Variants in GLI3 observed in about 807,000 individuals in gnomAD.
The protein encoded by GLI3 is GLI family zinc finger 3, also known as transcription activator GLI3.
A neutral mutation model predicts 100.8 loss-of-function variants in GLI3; 20 were observed. The observed-to-expected ratio is 0.20, with a 90% CI of 0.14 to 0.29. The LOEUF (loss-of-function observed/expected upper bound fraction) is 0.29, where lower values mean the gene tolerates loss of function less well. GLI3 is among the 10% of genes least tolerant of loss of function. The pLI, the probability that GLI3 is intolerant of heterozygous loss-of-function variation, is 1.00. For missense variants in GLI3, 2,040 were observed against 2,128.5 expected (o/e 0.96, Z 0.82); for synonymous variants, 938 against 860.5 (o/e 1.09, Z -1.58).
intron 1 of GLI3, among the ~76,000 whole-genome samples, chr7:42,232,932 G>A (rs994007202): frequency 6.6e-6 from 1 of 152,088 alleles, no homozygotes; most frequent in African/African-American, 2.4e-5. Flanking sequence ...ACTCACAGAG[G>A]TAATGAGTAG....
In GLI3 at chr7:42,040,166, G is replaced by A. The variant is rs35961850; in HGVS notation, c.900C>T (p.Ser300=). 0.086 allele frequency: 139,434 copies of A among 1,613,370 alleles called. 6,934 individuals are homozygous for A. The highest frequency in any genetic ancestry group is 0.099 in the Non-Finnish European group (117,344 of 1,179,350). ...RKRTLSISPL[S]DHSFDLQTMI... ...TGGTCTGAAGGTCAAAGCTATGATC[G>A]GAGAGTGGTGATATGGACAGTGTAC... The change falls in exon 7 of 15, where the codon TCC becomes TCT. Residue 300 remains serine (S), a synonymous_variant. Coordinates refer to ENST00000395925, the MANE Select transcript of GLI3 (RefSeq NM_000168.6).
chr7:42,215,718 G>A (rs1258282696), intron 2 of GLI3, among the ~76,000 whole-genome samples: 1 of 152,146 alleles, frequency 6.6e-6, no homozygotes, highest in East Asian at 1.9e-4. Flanking sequence ...TTTATCCCAG[G>A]AATTGTTCTT....
chr7:42,195,480 TCA>T (rs1447498300), intron 2 of GLI3, among the ~76,000 whole-genome samples: 8 of 152,166 alleles, frequency 5.3e-5, no homozygotes, highest in Non-Finnish European at 1.2e-4. Flanking sequence ...ACCTGCCTCC[TCA>T]CATCTGTTTT....
chr7:41,968,234 C>T (rs1258529751), intron 13 of GLI3, among the ~76,000 whole-genome samples: 1 of 152,196 alleles, frequency 6.6e-6, no homozygotes, highest in Non-Finnish European at 1.5e-5. Flanking sequence ...CCAATCCCAT[C>T]TCCACCACTT....
intron 10 of GLI3, among the ~76,000 whole-genome samples, chr7:41,980,890 A>G (rs569941908): frequency 6.6e-6 from 1 of 152,316 alleles, no homozygotes; most frequent in Admixed American, 6.5e-5. Context: ...CCAGAGGGAA[A>G]CAGGTCATGG....
intron 4 of GLI3, among the ~76,000 whole-genome samples, chr7:42,065,221 TTAAA>T (rs1369348901): frequency 1.5e-4 from 23 of 148,706 alleles, no homozygotes; most frequent in African/African-American, 5.6e-4. Flanking sequence ...TTAATATTAA[TTAAA>T]TATTATTATT....
At chr7:42,235,669 G>T (rs998290352) in intron 1 of GLI3, among the ~76,000 whole-genome samples, 11 of 152,216 alleles carry the variant, frequency 7.2e-5, no homozygotes, top group Non-Finnish European at 1.2e-4. Context: ...GGGAGCAGGA[G>T]GTATTTTTTA....
At chr7:42,187,125 C>G (rs1210895016) in intron 2 of GLI3, among the ~76,000 whole-genome samples, 2 of 150,610 alleles carry the variant, frequency 1.3e-5, no homozygotes, top group East Asian at 3.9e-4. Flanking sequence ...GTGGAAGGAT[C>G]ACTTGAGCCT....
At chr7:42,238,581 C>G (rs1344188381), upstream of GLI3, among the ~76,000 whole-genome samples, 3 of 152,224 alleles carry the variant, frequency 2.0e-5, no homozygotes, top group Non-Finnish European at 4.4e-5. Flanking sequence ...AGGCTTGGAG[C>G]CTGGTCTCTA....
At chr7:42,182,662 A>ATATATATACATGTGTGTGTG (rs1554337073) in intron 2 of GLI3, among the ~76,000 whole-genome samples, 2 of 76,712 alleles carry the variant, frequency 2.6e-5, no homozygotes, top group South Asian at 4.7e-4. Flanking sequence ...ATATATATAT[A>ATATATATACATGTGTGTGTG]TATATATATA....
chr7:42,212,292 C>A (rs1042648658), intron 2 of GLI3, among the ~76,000 whole-genome samples: 2 of 152,150 alleles, frequency 1.3e-5, no homozygotes, highest in Non-Finnish European at 1.5e-5. Context: ...ATTTTAAAAT[C>A]TGCATAAGAA....
intron 10 of GLI3, among the ~76,000 whole-genome samples, chr7:41,983,086 A>G (rs575008777): frequency 1.4e-3 from 212 of 152,348 alleles, no homozygotes; most frequent in Non-Finnish European, 2.0e-3. Context: ...TAAAAAGTCT[A>G]AAAACCATTC....
At chr7:42,054,855 G>A (rs1784419540) in intron 4 of GLI3, among the ~76,000 whole-genome samples, 2 of 151,516 alleles carry the variant, frequency 1.3e-5, no homozygotes, top group South Asian at 4.2e-4. Flanking sequence ...CTGGCATGGT[G>A]GCACACTCCT....
At chr7:42,084,345 T>C (rs894795264) in intron 3 of GLI3, among the ~76,000 whole-genome samples, 4 of 152,218 alleles carry the variant, frequency 2.6e-5, no homozygotes, top group Non-Finnish European at 5.9e-5. Context: ...GCTTCAGGTA[T>C]GTCCTCAGTC....
chr7:41,997,322 C>T (rs1788154707), intron 10 of GLI3, among the ~76,000 whole-genome samples: 1 of 152,042 alleles, frequency 6.6e-6, no homozygotes. Context: ...TTACAACACC[C>T]TTAAAAGTCA....
intron 14 of GLI3, among the ~76,000 whole-genome samples, chr7:41,967,280 G>A (rs1787210739): frequency 6.6e-6 from 1 of 152,160 alleles, no homozygotes; most frequent in African/African-American, 2.4e-5. Flanking sequence ...TTAAATTTTG[G>A]AAACCAGAGA....
chr7:41,999,871 G>A (rs1166005040), intron 10 of GLI3, among the ~76,000 whole-genome samples: 1 of 152,218 alleles, frequency 6.6e-6, no homozygotes, highest in Non-Finnish European at 1.5e-5. Context: ...GAAAAAAAGA[G>A]AGCACCTGCA....
At chr7:41,970,869 A>G (rs1787344737) in intron 13 of GLI3, among the ~76,000 whole-genome samples, 1 of 152,206 alleles carries the variant, frequency 6.6e-6, no homozygotes. Flanking sequence ...ATTATTATAC[A>G]GGTAGGCTTT....
chr7:42,024,636 A>T (rs939573066), intron 9 of GLI3, among the ~76,000 whole-genome samples: 5 of 152,180 alleles, frequency 3.3e-5, no homozygotes, highest in African/African-American at 1.2e-4. Flanking sequence ...AGATGATATT[A>T]TGGGTATAAC....
Sources: gnomAD v4.1 joint callset for allele counts (sites outside exome capture counted in the v4.1 genomes callset) on GRCh38, gnomAD v4.1.1 for gene constraint, MANE v1.5 for transcripts, NCBI Gene and HGNC (gene_info 2026-07-23, HGNC 2026-07-21) for gene names.